DMD: variants seen among roughly 807,000 people sequenced by gnomAD.
DMD encodes the protein dystrophin, also known as mutant dystrophin.
A neutral mutation model predicts 330.1 loss-of-function variants in DMD; 63 were observed. The observed-to-expected ratio is 0.19, with a 90% confidence interval of 0.16 to 0.24. DMD has a LOEUF of 0.24. Among genes scored for constraint, DMD ranks in the 10% least tolerant of loss-of-function variants. The pLI is 1.00. For synonymous variants in DMD, 1,223 were observed against 959.8 expected (o/e 1.27, Z -5.07); for missense variants, 3,344 against 2,684.1 (o/e 1.25, Z -5.43).
At chrX:32,063,628 A>C (rs1379905124) in intron 44 of DMD, among the ~76,000 whole-genome samples, 1 of 111,332 alleles carries the variant, frequency 9.0e-6, no homozygotes, top group Non-Finnish European at 1.9e-5. Flanking sequence ...ATATCTTTCA[A>C]ATATACTTAT....
chrX:31,828,492 C>T (rs759887816), intron 49 of DMD, among the ~76,000 whole-genome samples: 171 of 109,402 alleles, frequency 1.6e-3, no homozygotes, highest in Middle Eastern at 4.7e-3. Context: ...AGTGAAACTC[C>T]GACTCTACTA....
At chrX:33,105,134 A>T (rs2095274487) in intron 1 of DMD, among the ~76,000 whole-genome samples, 1 of 111,892 alleles carries the variant, frequency 8.9e-6, no homozygotes, top group African/African-American at 3.2e-5. Flanking sequence ...AATACTTAAA[A>T]CCAATTTACC....
At chrX:33,183,182 T>C (rs1195264478) in intron 1 of DMD, among the ~76,000 whole-genome samples, 1 of 111,963 alleles carries the variant, frequency 8.9e-6, no homozygotes, top group Non-Finnish European at 1.9e-5. Flanking sequence ...AACAGGAGAT[T>C]TGTTATTCTG....
chrX:32,932,028 C>T (rs1168464554), intron 2 of DMD, among the ~76,000 whole-genome samples: 1 of 111,941 alleles, frequency 8.9e-6, no homozygotes, highest in African/African-American at 3.2e-5. Context: ...TACACACACG[C>T]ATTATGCTAA....
At chrX:32,330,996 T>C (rs758413113) in intron 41 of DMD, among the ~76,000 whole-genome samples, 11 of 111,533 alleles carry the variant, frequency 9.9e-5, no homozygotes, top group Non-Finnish European at 2.1e-4. Context: ...GTTAATTCAA[T>C]AAGTAAAACT....
intron 18 of DMD, among the ~76,000 whole-genome samples, chrX:32,511,282 G>A (rs2045279262): frequency 9.1e-6 from 1 of 110,275 alleles, no homozygotes; most frequent in Non-Finnish European, 1.9e-5. Context: ...CCAGCACTTT[G>A]GGAGGCCAAG....
chrX:31,608,970 TATATTGTGGAACATGACAATGA>T (rs1424886844), intron 55 of DMD, among the ~76,000 whole-genome samples: 7 of 112,174 alleles, frequency 6.2e-5, no homozygotes, highest in Non-Finnish European at 1.1e-4. Context: ...AAGCAGATGA[TATATTGTGGAACATGACAATGA>T]TGTGTACTTA....
chrX:31,603,834 C>T (rs771571663), intron 55 of DMD, among the ~76,000 whole-genome samples: 1 of 111,725 alleles, frequency 9.0e-6, no homozygotes, highest in South Asian at 3.7e-4. Context: ...AAGGATGATC[C>T]TTCCTGGTGG....
chrX:31,465,222 A>ATTG (rs1295645956), intron 59 of DMD, among the ~76,000 whole-genome samples: 1 of 111,123 alleles, frequency 9.0e-6, no homozygotes, highest in Non-Finnish European at 1.9e-5. Context: ...TATTATTATT[A>ATTG]TACTTTAAGT....
At chrX:31,315,603 GCTCATTCTCACA>G in intron 62 of DMD, among the ~76,000 whole-genome samples, 1 of 112,169 alleles carries the variant, frequency 8.9e-6, no homozygotes, top group African/African-American at 3.2e-5. Flanking sequence ...TATGTTCTAT[GCTCATTCTCACA>G]TTTCCAAAAG....
In DMD at chrX:31,323,706, C is replaced by A. The variant is rs186146032; in HGVS notation, c.9164-48G>T. 7.5e-6 allele frequency: 8 copies of A among 1,061,251 alleles called. No individual in the cohort carries two copies. The Admixed American group carries it at 1.8e-4, about 24-fold the overall frequency. 87.5% of individuals were successfully genotyped at this position (1,061,251 alleles called of 1,213,427 possible). A position where few individuals can be genotyped will look rare whatever the true frequency, so the allele number is the denominator to read the frequency against. ...AGAAAGGCAAGGAGGTCAAATTCAT[C>A]GCAAACAGGAAAGACAACATTAATC... On this transcript the variant is annotated intron_variant, in intron 61 of 78. Coordinates refer to ENST00000357033, the MANE Select transcript of DMD (RefSeq NM_004006.3).
chrX:32,152,932 T>C (rs2147182820), intron 44 of DMD, among the ~76,000 whole-genome samples: 1 of 112,155 alleles, frequency 8.9e-6, no homozygotes, highest in East Asian at 2.8e-4. Context: ...ATAATTCTCC[T>C]TTACTCCATA....
intron 4 of DMD, among the ~76,000 whole-genome samples, chrX:32,843,896 G>A (rs754495640): frequency 1.8e-5 from 2 of 111,686 alleles, no homozygotes; most frequent in East Asian, 2.8e-4. Flanking sequence ...TGCAACACAC[G>A]TATTTTAATC....
At chrX:32,363,466 A>G (rs776964223) in intron 36 of DMD, among the ~76,000 whole-genome samples, 3 of 111,991 alleles carry the variant, frequency 2.7e-5, no homozygotes, top group Non-Finnish European at 3.8e-5. Flanking sequence ...ATTTTCTAAC[A>G]CATACGAATT....
At chrX:31,721,046 T>C (rs994347433) in intron 52 of DMD, among the ~76,000 whole-genome samples, 3 of 111,783 alleles carry the variant, frequency 2.7e-5, no homozygotes, top group Admixed American at 1.9e-4. Context: ...TCAGTTTTTA[T>C]ATACAAGTTA....
intron 43 of DMD, among the ~76,000 whole-genome samples, chrX:32,227,492 G>T (rs1217316142): frequency 9.4e-6 from 1 of 106,765 alleles, no homozygotes; most frequent in African/African-American, 3.4e-5. Context: ...TCACTTACAA[G>T]TGGAAGCTAA....
At chrX:31,144,926 T>TA (rs1282249878) in intron 76 of DMD, among the ~76,000 whole-genome samples, 5 of 111,695 alleles carry the variant, frequency 4.5e-5, no homozygotes, top group African/African-American at 1.6e-4. Flanking sequence ...ATTACCACTG[T>TA]AAAATGCCCT....
At chrX:32,401,327 A>G (rs2098084833) in intron 30 of DMD, among the ~76,000 whole-genome samples, 1 of 102,360 alleles carries the variant, frequency 9.8e-6, no homozygotes, top group Admixed American at 1.0e-4. Flanking sequence ...AACTTAAAGT[A>G]TAATAATAAA....
At chrX:32,942,199 A>T (rs1045355701) in intron 2 of DMD, among the ~76,000 whole-genome samples, 1 of 111,983 alleles carries the variant, frequency 8.9e-6, no homozygotes, top group Non-Finnish European at 1.9e-5. Context: ...TAGACTTAGG[A>T]ATTTCCTATG....
Sources: gnomAD v4.1 joint callset for allele counts (sites outside exome capture counted in the v4.1 genomes callset) on GRCh38, gnomAD v4.1.1 for gene constraint, MANE v1.5 for transcripts, NCBI Gene and HGNC (gene_info 2026-07-23, HGNC 2026-07-21) for gene names.